The following ABHD3 variants were observed in gnomAD, a reference collection of about 807,000 sequenced individuals.
ABHD3 encodes phospholipase ABHD3.
ABHD3 carries 46 observed loss-of-function variants against 48.8 expected under a neutral mutation model. The observed-to-expected ratio is 0.94, with a 90% CI of 0.74 to 1.20. ABHD3 has a LOEUF of 1.20. Ranked by LOEUF, ABHD3 falls within the 50% of genes most tolerant of loss-of-function variation. ABHD3 has a pLI of 0.00. For synonymous variants in ABHD3, 192 were observed against 183.7 expected (o/e 1.04, Z -0.36); for missense variants, 490 against 497.8 (o/e 0.98, Z 0.15).
intron 3 of ABHD3, among the ~76,000 whole-genome samples, chr18:21,695,480 C>A (rs1008588594): frequency 3.9e-5 from 6 of 152,088 alleles, no homozygotes; most frequent in Non-Finnish European, 8.8e-5. Flanking sequence ...TGTTAGAATG[C>A]AGATGTGATG....
At chr18:21,699,046 G>A (rs952536374) in intron 3 of ABHD3, among the ~76,000 whole-genome samples, 3 of 151,720 alleles carry the variant, frequency 2.0e-5, no homozygotes, top group Middle Eastern at 3.2e-3. Flanking sequence ...CGATTCTCGT[G>A]TCTTAAGATT....
intron 8 of ABHD3, among the ~76,000 whole-genome samples, chr18:21,653,985 A>G (rs1288669595): frequency 1.3e-5 from 2 of 151,412 alleles, no homozygotes; most frequent in African/African-American, 4.9e-5. Flanking sequence ...AGCTGGGATC[A>G]CAGGTGTGTC....
intron 4 of ABHD3, 51 bp from the exon 5 acceptor site, chr18:21,664,281 T>C (rs776301243): frequency 1.1e-5 from 17 of 1,556,424 alleles, no homozygotes; most frequent in Non-Finnish European, 1.5e-5. Flanking sequence ...AGGTTAATGA[T>C]TTGTAAAATG....
In ABHD3 at chr18:21,656,954, A is replaced by G. The variant is rs1221508127; in HGVS notation, c.964T>C (p.Tyr322His). Residue 322 changes from tyrosine (Y) to histidine (H), a missense_variant, in exon 8 of 9, where the codon TAT becomes CAT. Tyr to His is a moderately conservative substitution (Grantham distance 83). Coordinates refer to ENST00000289119, the MANE Select transcript of ABHD3 (RefSeq NM_138340.5). Reference sequence around the variant, plus strand: ...CTAGGACTCGGACTGGCATCAGTATAATAATCATCAATTGTTTGGTATCCA... The same window carrying G: ...CTAGGACTCGGACTGGCATCAGTATGATAATCATCAATTGTTTGGTATCCA... Reference protein sequence around the residue: ...MFGYQTIDDYYTDASPSPRLK... With the variant: ...MFGYQTIDDYHTDASPSPRLK... The G allele has an allele frequency of 8.1e-6, 13 of 1,613,988 alleles. No homozygotes were observed. The highest frequency in any genetic ancestry group is 1.1e-5 in the Non-Finnish European group (13 of 1,179,990).
chr18:21,693,984 C>G (rs909455364), intron 3 of ABHD3, among the ~76,000 whole-genome samples: 4 of 152,208 alleles, frequency 2.6e-5, no homozygotes, highest in East Asian at 1.9e-4. Context: ...CCCTGTCCCC[C>G]ACCAAGGCAC....
intron 4 of ABHD3, among the ~76,000 whole-genome samples, chr18:21,671,410 T>C (rs2039754915): frequency 6.6e-6 from 1 of 152,124 alleles, no homozygotes; most frequent in South Asian, 2.1e-4. Context: ...AAGACATTTA[T>C]GGGGCAGTAT....
intron 4 of ABHD3, among the ~76,000 whole-genome samples, chr18:21,677,909 C>T (rs1440484388): frequency 2.6e-5 from 4 of 151,656 alleles, no homozygotes; most frequent in Non-Finnish European, 5.9e-5. Context: ...GTGATTCACC[C>T]GCCTCAGCCT....
intron 4 of ABHD3, among the ~76,000 whole-genome samples, chr18:21,677,850 AT>A (rs1163041748): frequency 6.6e-6 from 1 of 151,614 alleles, no homozygotes; most frequent in Middle Eastern, 3.4e-3. Flanking sequence ...CGCCTGGCTA[AT>A]TTTTTTGTAT....
At chr18:21,667,447 T>C (rs2039660532) in intron 4 of ABHD3, among the ~76,000 whole-genome samples, 1 of 151,276 alleles carries the variant, frequency 6.6e-6, no homozygotes, top group Non-Finnish European at 1.5e-5. Flanking sequence ...TTTCTCCATG[T>C]TGAGGCTGGT....
intron 3 of ABHD3, among the ~76,000 whole-genome samples, chr18:21,684,205 C>G (rs1202015012): frequency 6.6e-6 from 1 of 152,030 alleles, no homozygotes; most frequent in Non-Finnish European, 1.5e-5. Context: ...GTTAATTTTT[C>G]CTACCAAGAG....
chr18:21,653,257 G>A (rs2039269671), intron 8 of ABHD3, among the ~76,000 whole-genome samples: 10 of 151,670 alleles, frequency 6.6e-5, no homozygotes, highest in Admixed American at 6.6e-4. Context: ...AGCTACTTGG[G>A]AGGCCAAGGC....
chr18:21,673,735 A>C (rs905389150), intron 4 of ABHD3: 2 of 152,314 alleles, frequency 1.3e-5, no homozygotes, highest in African/African-American at 4.8e-5. Flanking sequence ...CCTCCTGAGT[A>C]GCTGGGATTA....
At chr18:21,683,205 C>G in intron 4 of ABHD3, among the ~76,000 whole-genome samples, 1 of 152,148 alleles carries the variant, frequency 6.6e-6, no homozygotes, top group Non-Finnish European at 1.5e-5. Flanking sequence ...AGTTAAAAAG[C>G]TGAAGAAAAT....
intron 3 of ABHD3, among the ~76,000 whole-genome samples, chr18:21,696,248 A>G (rs2040368355): frequency 6.6e-6 from 1 of 151,310 alleles, no homozygotes; most frequent in South Asian, 2.1e-4. Context: ...GGTTCACGAC[A>G]TTCTCCTGCC....
At chr18:21,663,164 T>C (rs1356326044) in intron 5 of ABHD3, among the ~76,000 whole-genome samples, 1 of 152,164 alleles carries the variant, frequency 6.6e-6, no homozygotes, top group Non-Finnish European at 1.5e-5. Context: ...TTAGAGTCTA[T>C]CATTTGTAAA....
intron 8 of ABHD3, 74 bp from the exon 9 acceptor site, chr18:21,651,837 G>A: frequency 8.2e-6 from 11 of 1,347,904 alleles, no homozygotes; most frequent in East Asian, 4.9e-5. Context: ...GTTTTTGTCA[G>A]GAAAAGCATA....
At chr18:21,657,174 A>C (rs1453696185) in intron 6 of ABHD3, 22 bp from the exon 7 acceptor site, 3 of 1,586,904 alleles carry the variant, frequency 1.9e-6, no homozygotes, top group Non-Finnish European at 2.6e-6. Context: ...GAATTTCGGA[A>C]GTAAAAATCA....
At position 21,664,197 on chromosome 18, in the gene ABHD3, CTT is replaced by C; in HGVS notation, c.587_588del (p.Glu196GlyfsTer72). The C allele has an allele frequency of 6.2e-7, 1 of 1,613,986 alleles. No individual in the cohort carries two copies. The highest frequency in any genetic ancestry group is 1.1e-5 in the South Asian group (1 of 91,042). On this transcript the variant is annotated frameshift_variant, in exon 5 of 9. Coordinates refer to ENST00000289119, the MANE Select transcript of ABHD3 (RefSeq NM_138340.5). LOFTEE classifies it high-confidence loss of function. ...TPRTYCCANT[E>X]DLETVIHHVH... Reference sequence around the variant, plus strand: ...ACATGGTGAATAACTGTCTCCAAGTCTTCAGTGTTAGCACAACAATAAGTCCT... The same window carrying C: ...ACATGGTGAATAACTGTCTCCAAGTCCAGTGTTAGCACAACAATAAGTCCT...
rs1053137506 is a variant in ABHD3, at chr18:21,663,701, C to T, written c.668+417G>A. 6 of 1,535,338 alleles carry T rather than the reference C, an allele frequency of 3.9e-6. No individual in the cohort carries two copies. In the Admixed American group the frequency reaches 9.8e-5, roughly 25 times the overall value. On this transcript the variant is annotated intron_variant, in intron 5 of 8. Coordinates refer to ENST00000289119, the MANE Select transcript of ABHD3 (RefSeq NM_138340.5). Reference sequence around the variant, plus strand: ...ACCTGGGGAAAAATAATTTTGAAGGCCACTGCAGCTGGAGAGAGCAATAAG... The same window carrying T: ...ACCTGGGGAAAAATAATTTTGAAGGTCACTGCAGCTGGAGAGAGCAATAAG...
Sources: gnomAD v4.1 joint callset for allele counts (sites outside exome capture counted in the v4.1 genomes callset) on GRCh38, gnomAD v4.1.1 for gene constraint, MANE v1.5 for transcripts, NCBI Gene and HGNC (gene_info 2026-07-23, HGNC 2026-07-21) for gene names.